Variants in SH3PXD2A observed in about 807,000 individuals in gnomAD.
SH3PXD2A encodes the protein SH3 and PX domains 2A.
Under a neutral mutation model 115.2 loss-of-function variants are expected in SH3PXD2A, and 32 were observed. That is an observed-to-expected ratio of 0.28 (90% CI 0.21 to 0.37). The LOEUF (loss-of-function observed/expected upper bound fraction) is 0.37. SH3PXD2A is among the 10% of genes least tolerant of loss of function. The probability of loss-of-function intolerance (pLI) is 1.00; values close to 1 mark genes in which losing one functional copy is unlikely to be tolerated. For missense variants in SH3PXD2A, 1,328 were observed against 1,498.7 expected, an observed-to-expected ratio of 0.89 and a Z score of 1.88; for synonymous variants, 610 against 629.1, an observed-to-expected ratio of 0.97 and a Z score of 0.45.
At chr10:103,724,103 G>A (rs915868507) in intron 5 of SH3PXD2A, among the ~76,000 whole-genome samples, 167 bp downstream of exon 5, 1 of 152,156 alleles carries the variant, frequency 6.6e-6, no homozygotes, top group African/African-American at 2.4e-5. Context: ...GGCACTAGGA[G>A]CCTGGGGAAT....
chr10:103,852,090 T>C (rs936350516), intron 1 of SH3PXD2A, among the ~76,000 whole-genome samples: 2 of 152,222 alleles, frequency 1.3e-5, no homozygotes, highest in Non-Finnish European at 2.9e-5. Flanking sequence ...CCAGTTTACC[T>C]AGGGTCTCCC....
intron 8 of SH3PXD2A, among the ~76,000 whole-genome samples, chr10:103,636,806 G>A (rs11191753): frequency 6.6e-6 from 1 of 152,008 alleles, no homozygotes; most frequent in Non-Finnish European, 1.5e-5. Context: ...TCGTCCTCCC[G>A]CTCTGACTCC....
In SH3PXD2A at chr10:103,799,519, C is replaced by T. The variant is rs577971285; in HGVS notation, c.153+1763G>A. Among the ~76,000 whole-genome samples the T allele has an allele frequency of 3.9e-5, 6 of 152,370 alleles. No homozygotes were observed. In the South Asian group the frequency reaches 1.2e-3, roughly 32 times the overall value. Reference sequence around the variant, plus strand: ...CTAGCTGCTCCCTGCTTGCGTATCCCCTTTCCACACACAGGGAATGAGCCC... The same window carrying T: ...CTAGCTGCTCCCTGCTTGCGTATCCTCTTTCCACACACAGGGAATGAGCCC... On this transcript the variant is annotated intron_variant, in intron 2 of 14. Coordinates refer to ENST00000369774, the MANE Select transcript of SH3PXD2A (RefSeq NM_001394015.1).
At chr10:103,630,264 G>A (rs184082308) in intron 8 of SH3PXD2A, among the ~76,000 whole-genome samples, 2 of 152,314 alleles carry the variant, frequency 1.3e-5, no homozygotes, top group South Asian at 2.1e-4. Context: ...TGAGCTTCTG[G>A]GGGAGTACTC....
intron 2 of SH3PXD2A, among the ~76,000 whole-genome samples, chr10:103,776,889 C>A (rs1335844878): frequency 2.6e-5 from 4 of 152,166 alleles, no homozygotes; most frequent in Non-Finnish European, 5.9e-5. Flanking sequence ...GCTAGGACTT[C>A]AATATATGAA....
At chr10:103,757,732 C>T (rs1445086946) in intron 3 of SH3PXD2A, among the ~76,000 whole-genome samples, 1 of 152,198 alleles carries the variant, frequency 6.6e-6, no homozygotes, top group Non-Finnish European at 1.5e-5. Context: ...GTGACAGTGA[C>T]ACTGCCATGT....
intron 2 of SH3PXD2A, among the ~76,000 whole-genome samples, chr10:103,776,015 C>T (rs552195220): frequency 6.6e-6 from 1 of 152,286 alleles, no homozygotes; most frequent in East Asian, 1.9e-4. Flanking sequence ...TCTAGGGGAG[C>T]ATCTGTTTCC....
intron 6 of SH3PXD2A, among the ~76,000 whole-genome samples, chr10:103,670,459 C>T (rs2037441491): frequency 6.6e-6 from 1 of 152,194 alleles, no homozygotes; most frequent in Non-Finnish European, 1.5e-5. Context: ...GCAGTAACTC[C>T]CATGAACGTG....
rs1842932181 is a variant in SH3PXD2A at position 103,855,450 on chromosome 10, C to A, written c.-184G>T. On this transcript the variant is annotated 5_prime_UTR_variant, in exon 1 of 15. Transcript: ENST00000369774. ...AGGGACGGGGGAGGGTCCCGGAGGG[C>A]GCGCGGGCTCCGTGCGCCCCGGGGG... 1 of 233,370 alleles carries A rather than the reference C, an allele frequency of 4.3e-6. No individual in the cohort carries two copies. Among genetic ancestry groups the A allele is most frequent in the Non-Finnish European group, 8.1e-6 (1 of 123,960 alleles). 14.5% of individuals were successfully genotyped at this position (233,370 alleles called of 1,614,324 possible).
At chr10:103,706,449 AC>A (rs1011915963) in intron 5 of SH3PXD2A, among the ~76,000 whole-genome samples, 6 of 151,434 alleles carry the variant, frequency 4.0e-5, no homozygotes, top group African/African-American at 1.2e-4. Context: ...ACTTTCTGGC[AC>A]CCCCCCAAAC....
Position 103,776,808 on chromosome 10 carries a change from C to A in SH3PXD2A, c.154-9639G>T, listed in dbSNP as rs1182134406. On this transcript the variant is annotated intron_variant, in intron 2 of 14. Transcript: ENST00000369774. ...TGTTAGATTAGGAGCCACCCTACTC[C>A]CGGATGATCTCAACTAATTACATCT... Among the ~76,000 whole-genome samples, 4 of 152,322 alleles carry A rather than the reference C, an allele frequency of 2.6e-5. No individual in the cohort carries two copies. The East Asian group carries it at 7.7e-4, about 29-fold the overall frequency.
chr10:103,637,907 T>TGGAG (rs1178054916), intron 8 of SH3PXD2A, among the ~76,000 whole-genome samples: 82 of 152,300 alleles, frequency 5.4e-4, no homozygotes, highest in Middle Eastern at 3.4e-3. Flanking sequence ...AGCTAAGGCT[T>TGGAG]CTGCCTTTGT....
At chr10:103,635,111 T>C (rs2036844479) in intron 8 of SH3PXD2A, among the ~76,000 whole-genome samples, 1 of 152,210 alleles carries the variant, frequency 6.6e-6, no homozygotes, top group Admixed American at 6.5e-5. Context: ...CGTGTGCCTA[T>C]GCATCTGCTC....
rs2037367037 is a variant in SH3PXD2A at position 103,665,098 on chromosome 10, C to G, written c.472+3510G>C. Among the ~76,000 whole-genome samples the G allele has an allele frequency of 6.6e-6, 1 of 152,130 alleles. No homozygotes were observed. The highest frequency in any genetic ancestry group is 1.5e-5 in the Non-Finnish European group (1 of 68,040). ...ACGCGTGAACTGGCAGAAAGATGAA[C>G]AGAGGGACTCATTGGTTTGTGGTGT... is the stretch of plus-strand genomic sequence containing the variant. On this transcript the variant is annotated intron_variant, in intron 7 of 14. Transcript: ENST00000369774. This position sits in a 1 kb window ranked among gnomAD's most constrained non-coding sequence, Gnocchi z 4.0.
At chr10:103,685,049 A>C (rs1290098169) in intron 6 of SH3PXD2A, among the ~76,000 whole-genome samples, 1 of 150,740 alleles carries the variant, frequency 6.6e-6, no homozygotes, top group Admixed American at 6.6e-5. Flanking sequence ...AACAAAAACA[A>C]AAAAAAGGCC....
intron 5 of SH3PXD2A, among the ~76,000 whole-genome samples, chr10:103,722,587 C>A (rs2038195186): frequency 6.7e-6 from 1 of 149,556 alleles, no homozygotes; most frequent in Non-Finnish European, 1.5e-5. Context: ...CAGGTGTGAG[C>A]CAATATGCCT....
rs118076868 is a variant in SH3PXD2A, at chr10:103,707,666, A to G, written c.399-14610T>C. Reference sequence around the variant, plus strand: ...CCCAGCTGCTCACTGTACTTCATGTACATTATTTCAGTTAATCCTTGTAGC... The same window carrying G: ...CCCAGCTGCTCACTGTACTTCATGTGCATTATTTCAGTTAATCCTTGTAGC... On this transcript the variant is annotated intron_variant, in intron 5 of 14. Coordinates refer to ENST00000369774, the MANE Select transcript of SH3PXD2A (RefSeq NM_001394015.1). Among the ~76,000 whole-genome samples the G allele has an allele frequency of 6.6e-3, 1,008 of 152,110 alleles. 15 individuals carry two copies. Among genetic ancestry groups the G allele is most frequent in the Non-Finnish European group, 6.6e-3 (451 of 67,990 alleles).
intron 6 of SH3PXD2A, among the ~76,000 whole-genome samples, chr10:103,670,913 C>A (rs1014435314): frequency 1.4e-4 from 21 of 152,234 alleles, no homozygotes; most frequent in African/African-American, 5.1e-4. Context: ...AGTTTCAACT[C>A]CCTGCTGCTG....
chr10:103,847,482 T>A (rs1842857954), intron 1 of SH3PXD2A, among the ~76,000 whole-genome samples: 1 of 152,100 alleles, frequency 6.6e-6, no homozygotes, highest in Non-Finnish European at 1.5e-5. Flanking sequence ...CCTGGCTTAT[T>A]CTGGCTTATT....
Sources: gnomAD v4.1 joint callset for allele counts (sites outside exome capture counted in the v4.1 genomes callset) on GRCh38, gnomAD v4.1.1 for gene constraint, Gnocchi (gnomAD v3.1) non-coding constraint, MANE v1.5 for transcripts, NCBI Gene and HGNC (gene_info 2026-07-23, HGNC 2026-07-21) for gene names.